Variants in PCDHA8 observed in about 807,000 individuals in gnomAD.
The protein encoded by PCDHA8 is protocadherin alpha-8.
Under a neutral mutation model 61.8 loss-of-function variants are expected in PCDHA8, and 53 were observed. That is an observed-to-expected ratio of 0.86 (90% CI 0.69 to 1.08). PCDHA8 has a LOEUF of 1.08. PCDHA8 is among the 50% of genes least tolerant of loss of function. PCDHA8 has a pLI of 0.00. For synonymous variants in PCDHA8, 618 were observed against 556.6 expected (o/e 1.11, Z -1.55); for missense variants, 1,293 against 1,245.0 (o/e 1.04, Z -0.58).
chr5:140,857,965 T>A (rs2045057486), intron 1 of PCDHA8: 1 of 1,597,084 alleles, frequency 6.3e-7, no homozygotes, highest in East Asian at 2.2e-5. Context: ...TGGATGAGAC[T>A]GACTCGCCAC....
intron 1 of PCDHA8, chr5:140,869,509 A>C (rs199564677): frequency 6.2e-7 from 1 of 1,614,206 alleles, no homozygotes; most frequent in Non-Finnish European, 8.5e-7. Flanking sequence ...GTTCTCGCTC[A>C]GAGAACAAAA....
chr5:140,878,890 T>C (rs1219933788), intron 1 of PCDHA8, among the ~76,000 whole-genome samples: 1 of 152,242 alleles, frequency 6.6e-6, no homozygotes, highest in East Asian at 1.9e-4. Flanking sequence ...TAGCTGAGAC[T>C]ACAGGCAGGC....
In PCDHA8 at chr5:140,982,576, G is replaced by C. The variant is rs782355791; in HGVS notation, c.2542+13G>C. ...AGTGCAACACCAGGTAAAGAGCTGG[G>C]GTCTCTCCATTCTTTCTTGGTTTCT... On this transcript the variant is annotated intron_variant, in intron 3 of 3. Transcript: ENST00000531613. 3.1e-6 allele frequency: 5 copies of C among 1,613,270 alleles called. 1 individual carries two copies. In the South Asian group the frequency reaches 5.5e-5, roughly 18 times the overall value.
intron 1 of PCDHA8, chr5:140,968,375 T>G: frequency 6.2e-7 from 1 of 1,614,098 alleles, no homozygotes; most frequent in Non-Finnish European, 8.5e-7. Context: ...TGTCAACTCC[T>G]TTGACTATGA....
chr5:140,855,098 A>G (rs1204884452), intron 1 of PCDHA8, among the ~76,000 whole-genome samples: 1 of 149,990 alleles, frequency 6.7e-6, no homozygotes, highest in African/African-American at 2.4e-5. Flanking sequence ...CCTGTGCAGT[A>G]GCAATAATTA....
At chr5:140,913,610 A>C (rs1271705435) in intron 1 of PCDHA8, among the ~76,000 whole-genome samples, 2 of 151,906 alleles carry the variant, frequency 1.3e-5, no homozygotes, top group African/African-American at 4.8e-5. Flanking sequence ...TATTTTCTCT[A>C]CTAATTTTGG....
At chr5:140,998,287 G>A (rs1209811850) in intron 3 of PCDHA8, among the ~76,000 whole-genome samples, 3 of 152,154 alleles carry the variant, frequency 2.0e-5, no homozygotes, top group Non-Finnish European at 4.4e-5. Flanking sequence ...GATTAAATCA[G>A]ATCACACATT....
rs116232949 is a variant in PCDHA8, at chr5:140,982,448, G to A, written c.2454-27G>A. The A allele has an allele frequency of 4.0e-3, 6,396 of 1,613,770 alleles. 180 individuals carry two copies. In the African/African-American group the frequency reaches 0.067, roughly 17 times the overall value. ...ATGGGAAAGAATTTATGATCTAACC[G>A]TTATCTGGGTCTGTGTGTTTATTCA... On this transcript the variant is annotated intron_variant, in intron 2 of 3. Coordinates refer to ENST00000531613, the MANE Select transcript of PCDHA8 (RefSeq NM_018911.3).
At chr5:140,938,333 T>G (rs2092022298) in intron 1 of PCDHA8, among the ~76,000 whole-genome samples, 1 of 152,248 alleles carries the variant, frequency 6.6e-6, no homozygotes, top group Non-Finnish European at 1.5e-5. Context: ...GTAATGTTAA[T>G]GGATAATCTT....
intron 1 of PCDHA8, among the ~76,000 whole-genome samples, chr5:140,930,807 A>G (rs2087132034): frequency 6.6e-6 from 1 of 152,206 alleles, no homozygotes; most frequent in Non-Finnish European, 1.5e-5. Flanking sequence ...AGCATATAAG[A>G]TATGCTTAGT....
At chr5:140,968,494 C>T in intron 1 of PCDHA8, 1 of 1,614,096 alleles carries the variant, frequency 6.2e-7, no homozygotes, top group Non-Finnish European at 8.5e-7. Flanking sequence ...ATGACCATGC[C>T]CCTCACATTC....
intron 1 of PCDHA8, among the ~76,000 whole-genome samples, chr5:140,932,798 T>C (rs2153613163): frequency 6.6e-6 from 1 of 151,958 alleles, no homozygotes; most frequent in Middle Eastern, 3.4e-3. Flanking sequence ...AGAAAAGCAA[T>C]ACCTTGGAAA....
At chr5:140,965,973 G>A (rs1234636252) in intron 1 of PCDHA8, among the ~76,000 whole-genome samples, 6 of 152,194 alleles carry the variant, frequency 3.9e-5, no homozygotes, top group African/African-American at 1.4e-4. Flanking sequence ...TGCCCTAGGA[G>A]TTGAGCACTT....
rs144630020 is a variant in PCDHA8, at chr5:140,849,710, C to T, written c.2394+5995C>T. 88 of 1,598,490 alleles carry T rather than the reference C, an allele frequency of 5.5e-5. 7 individuals carry two copies. Among genetic ancestry groups the T allele is most frequent in the Middle Eastern group, 1.7e-4 (1 of 5,908 alleles). ...TGGTGTCCACCTACAAGAATTACTA[C>T]TCGTTGGTGCTGGACAGAGCTCTGG... On this transcript the variant is annotated intron_variant, in intron 1 of 3. Transcript: ENST00000531613.
chr5:140,938,026 A>T (rs2091889452), intron 1 of PCDHA8, among the ~76,000 whole-genome samples: 1 of 152,144 alleles, frequency 6.6e-6, no homozygotes, highest in Non-Finnish European at 1.5e-5. Context: ...GTAAAATCTC[A>T]TATTTTTATA....
intron 1 of PCDHA8, chr5:140,857,908 G>T (rs782073504): frequency 6.3e-7 from 1 of 1,597,722 alleles, no homozygotes; most frequent in South Asian, 1.1e-5. Flanking sequence ...CACGCATCCC[G>T]TTTCGCGTGG....
Position 140,858,656 on chromosome 5 carries a change from T to A in PCDHA8, c.2394+14941T>A, listed in dbSNP as rs1562540116. 9 of 783,778 alleles carry A rather than the reference T, an allele frequency of 1.1e-5. 2 individuals are homozygous for A. The highest frequency in any genetic ancestry group is 1.6e-5 in the Non-Finnish European group (8 of 509,472). 48.6% of individuals were successfully genotyped at this position (783,778 alleles called of 1,614,324 possible). A position where few individuals can be genotyped will look rare whatever the true frequency, so the allele number is the denominator to read the frequency against. On this transcript the variant is annotated intron_variant, in intron 1 of 3. Transcript: ENST00000531613. ...CCTTTGATTGGTACTTAAATTTTTTTAAATAACAATTTATTCTGAATACAC... is the reference window on the plus strand; with the variant it reads ...CCTTTGATTGGTACTTAAATTTTTTAAAATAACAATTTATTCTGAATACAC...
At chr5:141,004,445 T>C (rs2098166676) in intron 3 of PCDHA8, among the ~76,000 whole-genome samples, 1 of 152,206 alleles carries the variant, frequency 6.6e-6, no homozygotes. Flanking sequence ...CTGAGTCATA[T>C]AGAACCAGGA....
chr5:140,871,134 C>T, intron 1 of PCDHA8: 1 of 1,613,414 alleles, frequency 6.2e-7, no homozygotes, highest in Non-Finnish European at 8.5e-7. Flanking sequence ...CGCCAAAGGC[C>T]TCTTCCCGGA....
Sources: gnomAD v4.1 joint callset for allele counts (sites outside exome capture counted in the v4.1 genomes callset) on GRCh38, gnomAD v4.1.1 for gene constraint, MANE v1.5 for transcripts, NCBI Gene and HGNC (gene_info 2026-07-23, HGNC 2026-07-21) for gene names.